Variants in OR10G7 observed in about 807,000 individuals in gnomAD.
OR10G7 encodes olfactory receptor 10G7.
For synonymous variants in OR10G7, 165 were observed against 167.4 expected, an observed-to-expected ratio of 0.99 and a Z score of 0.11; for missense variants, 338 against 382.1, an observed-to-expected ratio of 0.88 and a Z score of 0.96.
chr11:124,039,832 A>AC (rs762761784), intron 1 of OR10G7, among the ~76,000 whole-genome samples: 22 of 152,112 alleles, frequency 1.4e-4, no homozygotes, highest in Non-Finnish European at 2.4e-4. Context: ...CCTATTGTGA[A>AC]CCGCACATGC....
At position 124,037,272 on chromosome 11, in the gene OR10G7, C is replaced by T. The variant is rs1374183362; in HGVS notation, c.*794G>A. The T allele has an allele frequency of 5.9e-5, 9 of 152,198 alleles. No individual in the cohort carries two copies. The East Asian group carries it at 1.7e-3, about 29-fold the overall frequency. 9.4% of individuals were successfully genotyped at this position (152,198 alleles called of 1,614,324 possible). A position where few individuals can be genotyped will look rare whatever the true frequency, so the allele number is the denominator to read the frequency against. ...AAGGGATACTCTTAACAGTTTTTGA[C>T]TGCATATTTTTGTCTCTAAGATTAT... On this transcript the variant is annotated 3_prime_UTR_variant, in exon 2 of 2. Transcript: ENST00000641585.
At position 124,036,334 on chromosome 11, in the gene OR10G7, A is replaced by G. The variant is rs975823737; in HGVS notation, c.*1732T>C. The G allele has an allele frequency of 1.3e-5, 2 of 152,236 alleles. No individual in the cohort carries two copies. Among genetic ancestry groups the G allele is most frequent in the African/African-American group, 4.8e-5 (2 of 41,460 alleles). The allele number at this position is 152,236 out of a possible 1,614,324, so 9.4% of individuals were successfully genotyped here. ...ATGGTTGTGTGTGATACATATTGCC[A>G]TAGTATTTTGAATCCTTTAGCATCT... On this transcript the variant is annotated 3_prime_UTR_variant, in exon 2 of 2. Coordinates refer to ENST00000641585, the MANE Select transcript of OR10G7 (RefSeq NM_001004463.2).
chr11:124,038,845 G>T lies in OR10G7; in HGVS notation c.157C>A (p.Leu53Ile). ...ILLVIRVDSH[L>I]HTPMYYFLTN... ...AGGAAGTAGTACATGGGGGTGTGGA[G>T]GTGAGAATCCACCCTGATCACCAGC... The change falls in exon 2 of 2, where the codon CTC becomes ATC. Residue 53 changes from leucine (L) to isoleucine (I), a missense_variant. Transcript: ENST00000641585. 1.2e-6 allele frequency: 2 copies of T among 1,613,858 alleles called. No individual in the cohort carries two copies. The highest frequency in any genetic ancestry group is 1.7e-6 in the Non-Finnish European group (2 of 1,179,918).
rs1315428821 is a variant in OR10G7, at chr11:124,037,417, G to A, written c.*649C>T. 2 of 151,948 alleles carry A rather than the reference G, an allele frequency of 1.3e-5. No homozygotes were observed. The highest frequency in any genetic ancestry group is 4.8e-5 in the African/African-American group (2 of 41,252). 9.4% of individuals were successfully genotyped at this position (151,948 alleles called of 1,614,324 possible). On this transcript the variant is annotated 3_prime_UTR_variant, in exon 2 of 2. Transcript: ENST00000641585. The stretch of plus-strand genomic sequence containing the variant: ...GATTGGCAGCTCCACAAATATGGAA[G>A]GAAAGTCTAGATAGTTGTCATCAGA...
rs1294023084 is a variant in OR10G7, at chr11:124,036,557, G to A, written c.*1509C>T. On this transcript the variant is annotated 3_prime_UTR_variant, in exon 2 of 2. Coordinates refer to ENST00000641585, the MANE Select transcript of OR10G7 (RefSeq NM_001004463.2). ...CAATAAATATCCCATAACATTTTAGGTAATGGTAAGTTAGATATAACAGCG... is the reference window on the plus strand; with the variant it reads ...CAATAAATATCCCATAACATTTTAGATAATGGTAAGTTAGATATAACAGCG... 1 of 152,168 alleles carries A rather than the reference G, an allele frequency of 6.6e-6. No homozygotes were observed. The highest frequency in any genetic ancestry group is 1.5e-5 in the Non-Finnish European group (1 of 68,022). The allele number at this position is 152,168 out of a possible 1,614,324, so 9.4% of individuals were successfully genotyped here.
In OR10G7 at chr11:124,037,949, A is replaced by T; in HGVS notation, c.*117T>A. The T allele has an allele frequency of 1.5e-6, 1 of 676,294 alleles. No homozygotes were observed. The highest frequency in any genetic ancestry group is 2.3e-6 in the Non-Finnish European group (1 of 427,932). 41.9% of individuals were successfully genotyped at this position (676,294 alleles called of 1,614,324 possible). A position where few individuals can be genotyped will look rare whatever the true frequency, so the allele number is the denominator to read the frequency against. On this transcript the variant is annotated 3_prime_UTR_variant, in exon 2 of 2. Coordinates refer to ENST00000641585, the MANE Select transcript of OR10G7 (RefSeq NM_001004463.2). ...AAAATGAAAAATTAATTAACTGTCC[A>T]ATTAAAAATTAAGACTGAATAATTG... is the stretch of plus-strand genomic sequence containing the variant.
chr11:124,038,522 T>G lies in OR10G7; in HGVS notation c.480A>C (p.Ile160=), dbSNP rs1484701525. The change falls in exon 2 of 2, where the codon ATA becomes ATC. Residue 160 remains isoleucine, a synonymous_variant. Transcript: ENST00000641585. ...CACAGTAGGGCAAATGGAAAGTCAA[T>G]ATGGTCTGGACAGCAGAGTGCAGAG... ...SGSLHSAVQT[I]LTFHLPYCGP... 6.2e-7 allele frequency: 1 copy of G among 1,613,438 alleles called. No individual in the cohort carries two copies. The highest frequency in any genetic ancestry group is 8.5e-7 in the Non-Finnish European group (1 of 1,179,806).
rs1864222724 is a variant in OR10G7, at chr11:124,039,023, T to TG, written c.-20-3dup. ...ACATTTCTTCTCATATATGGGGCTCTGTTCTTACAGAAAGGAAGGGAGATA... is the reference window on the plus strand; with the variant it reads ...ACATTTCTTCTCATATATGGGGCTCTGGTTCTTACAGAAAGGAAGGGAGATA... On this transcript the variant is annotated splice_region_variant and splice_polypyrimidine_tract_variant and intron_variant, in intron 1 of 1. Coordinates refer to ENST00000641585, the MANE Select transcript of OR10G7 (RefSeq NM_001004463.2). The TG allele has an allele frequency of 1.2e-6, 2 of 1,604,548 alleles. No individual in the cohort carries two copies. Among genetic ancestry groups the TG allele is most frequent in the Non-Finnish European group, 1.7e-6 (2 of 1,173,690 alleles).
At chr11:124,040,775 C>T (rs978650585) in intron 1 of OR10G7, 111 bp downstream of exon 1, 6 of 151,952 alleles carry the variant, frequency 3.9e-5, no homozygotes, top group South Asian at 4.2e-4. Flanking sequence ...CCAAAGCTGA[C>T]GAAAAATGAA....
At chr11:124,040,557 T>C (rs1864233951) in intron 1 of OR10G7, among the ~76,000 whole-genome samples, 1 of 151,888 alleles carries the variant, frequency 6.6e-6, no homozygotes, top group African/African-American at 2.4e-5. Flanking sequence ...AAATCAGCAA[T>C]ACATTTTTTG....
Position 124,038,349 on chromosome 11 carries a change from A to G in OR10G7, c.653T>C (p.Val218Ala). 1 of 1,614,158 alleles carries G rather than the reference A, an allele frequency of 6.2e-7. No individual in the cohort carries two copies. Among genetic ancestry groups the G allele is most frequent in the Non-Finnish European group, 8.5e-7 (1 of 1,180,034 alleles). The change falls in exon 2 of 2, where the codon GTG (valine) becomes GCG (alanine). Residue 218 changes from valine (V) to alanine (A), a missense_variant. By Grantham distance (64) the Val-to-Ala change is moderately conservative. Coordinates refer to ENST00000641585, the MANE Select transcript of OR10G7 (RefSeq NM_001004463.2). ...CCGCAGGATGGAACAGACGATGGAC[A>G]CATAGGACAGCACTATCAGGACAAA... Reference protein sequence around the residue: ...GCFVLIVLSYVSIVCSILRIR... With the variant: ...GCFVLIVLSYASIVCSILRIR...
intron 1 of OR10G7, among the ~76,000 whole-genome samples, chr11:124,040,428 T>G (rs541899352): frequency 1.4e-3 from 211 of 152,182 alleles, no homozygotes; most frequent in Non-Finnish European, 2.1e-3. Flanking sequence ...AGACATTATA[T>G]TTTCAAGAGA....
chr11:124,039,155 A>G, intron 1 of OR10G7, 134 bp from the exon 2 acceptor site: 1 of 935,140 alleles, frequency 1.1e-6, no homozygotes, highest in Non-Finnish European at 1.6e-6. Context: ...CTTTTGCTTC[A>G]GTATAGGTCT....
rs1864219188 is a variant in OR10G7 at position 124,038,861 on chromosome 11, G to A, written c.141C>T (p.Ile47=). 6.2e-7 allele frequency: 1 copy of A among 1,613,688 alleles called. No homozygotes were observed. The highest frequency in any genetic ancestry group is 1.7e-5 in the Admixed American group (1 of 59,990). The change falls in exon 2 of 2, where the codon ATC becomes ATT. Residue 47 remains isoleucine, a synonymous_variant. Transcript: ENST00000641585. ...GGGTGTGGAGGTGAGAATCCACCCT[G>A]ATCACCAGCAGGATGAGGAGGTTCC... ...VLGNLLILLV[I]RVDSHLHTPM... is the part of the protein sequence containing the mutation.
rs916799144 is a variant in OR10G7 at position 124,036,774 on chromosome 11, T to G, written c.*1292A>C. The G allele has an allele frequency of 2.0e-5, 3 of 152,232 alleles. No homozygotes were observed. The highest frequency in any genetic ancestry group is 2.0e-4 in the Admixed American group (3 of 15,286). The allele number at this position is 152,232 out of a possible 1,614,324, so 9.4% of individuals were successfully genotyped here. ...CATGGTTTATGTAGTTCATGCTTCA[T>G]GTACTGTGTCATGGTTTATGTAGCT... On this transcript the variant is annotated 3_prime_UTR_variant, in exon 2 of 2. Coordinates refer to ENST00000641585, the MANE Select transcript of OR10G7 (RefSeq NM_001004463.2).
At position 124,037,640 on chromosome 11, in the gene OR10G7, G is replaced by A. The variant is rs950676231; in HGVS notation, c.*426C>T. ...TTCTAAAGTAAAAATTTTATCTTATGGATATTAAATTATGTAGTTATTTAT... is the reference window on the plus strand; with the variant it reads ...TTCTAAAGTAAAAATTTTATCTTATAGATATTAAATTATGTAGTTATTTAT... On this transcript the variant is annotated 3_prime_UTR_variant, in exon 2 of 2. Transcript: ENST00000641585. The A allele has an allele frequency of 6.6e-6, 1 of 151,822 alleles. No individual in the cohort carries two copies. Among genetic ancestry groups the A allele is most frequent in the Non-Finnish European group, 1.5e-5 (1 of 67,992 alleles). 9.4% of individuals were successfully genotyped at this position (151,822 alleles called of 1,614,324 possible). A position where few individuals can be genotyped will look rare whatever the true frequency, so the allele number is the denominator to read the frequency against.
intron 1 of OR10G7, 143 bp from the exon 2 acceptor site, chr11:124,039,164 C>CCTG: frequency 1.2e-6 from 1 of 852,148 alleles, no homozygotes; most frequent in South Asian, 2.0e-5. Flanking sequence ...CAGTATAGGT[C>CCTG]TTTGAAGAGG....
In OR10G7 at chr11:124,038,540, G is replaced by A. The variant is rs1166482273; in HGVS notation, c.462C>T (p.His154=). ...ATGTWLSGSL[H]SAVQTILTFH... ...AAGTCAATATGGTCTGGACAGCAGAGTGCAGAGAGCCACTGAGCCAAGTGC... is the reference window on the plus strand; with the variant it reads ...AAGTCAATATGGTCTGGACAGCAGAATGCAGAGAGCCACTGAGCCAAGTGC... Residue 154 remains histidine (H), a synonymous_variant, in exon 2 of 2, where the codon CAC becomes CAT. Coordinates refer to ENST00000641585, the MANE Select transcript of OR10G7 (RefSeq NM_001004463.2). 1 of 1,613,752 alleles carries A rather than the reference G, an allele frequency of 6.2e-7. No homozygotes were observed. Among genetic ancestry groups the A allele is most frequent in the African/African-American group, 1.3e-5 (1 of 74,810 alleles).
chr11:124,038,028 TAAA>T lies in OR10G7; in HGVS notation c.*35_*37del. On this transcript the variant is annotated 3_prime_UTR_variant, in exon 2 of 2. Coordinates refer to ENST00000641585, the MANE Select transcript of OR10G7 (RefSeq NM_001004463.2). ...GTTGAAGGTTTAATTTAATTACAAA[TAAA>T]AAAAGAAAAGTTAGCCATATATGGC... 1 of 1,384,634 alleles carries T rather than the reference TAAA, an allele frequency of 7.2e-7. No homozygotes were observed. The highest frequency in any genetic ancestry group is 9.9e-7 in the Non-Finnish European group (1 of 1,014,602). 85.8% of individuals were successfully genotyped at this position (1,384,634 alleles called of 1,614,324 possible).
Sources: allele counts gnomAD v4.1 joint callset (sites outside exome capture counted in the v4.1 genomes callset), GRCh38; gene constraint gnomAD v4.1.1; transcripts MANE v1.5; gene names NCBI Gene and HGNC (gene_info 2026-07-23, HGNC 2026-07-21).